CHRM3: variants seen among roughly 807,000 people sequenced by gnomAD.
CHRM3 encodes the protein cholinergic receptor muscarinic 3.
A neutral mutation model predicts 41.8 loss-of-function variants in CHRM3; 11 were observed. The ratio of observed to expected loss-of-function variants is 0.26; its 90% CI spans 0.17 to 0.44. CHRM3 has a LOEUF of 0.44. Ranked by LOEUF, CHRM3 falls within the 20% of genes least tolerant of loss-of-function variation. The probability of loss-of-function intolerance (pLI) is 1.00; values close to 1 mark genes in which losing one functional copy is unlikely to be tolerated. For missense variants in CHRM3, 571 were observed against 745.4 expected (o/e 0.77, Z 2.72); for synonymous variants, 297 against 301.4 (o/e 0.99, Z 0.15).
intron 5 of CHRM3, among the ~76,000 whole-genome samples, chr1:239,806,333 CACA>C (rs1267158490): frequency 2.6e-5 from 4 of 151,806 alleles, no homozygotes; most frequent in Non-Finnish European, 5.9e-5. Context: ...GATGGAGTTA[CACA>C]ACACACACAC....
At chr1:239,698,738 A>G (rs12756683) in intron 5 of CHRM3, among the ~76,000 whole-genome samples, 4,076 of 152,266 alleles carry the variant, frequency 0.027, 83 homozygotes, top group Middle Eastern at 0.085. Context: ...TGAGTTTAAT[A>G]AACGCTTACT....
intron 3 of CHRM3, among the ~76,000 whole-genome samples, chr1:239,551,847 A>G (rs1189292417): frequency 6.6e-6 from 1 of 152,178 alleles, no homozygotes; most frequent in Non-Finnish European, 1.5e-5. Flanking sequence ...TAAAGCATTA[A>G]GCTAATAAAG....
At chr1:239,514,787 A>G (rs1249207597) in intron 2 of CHRM3, among the ~76,000 whole-genome samples, 1 of 152,080 alleles carries the variant, frequency 6.6e-6, no homozygotes, top group South Asian at 2.1e-4. Context: ...TGTGTTTTAC[A>G]TGCCTCCCTT....
intron 6 of CHRM3, among the ~76,000 whole-genome samples, chr1:239,855,007 T>G (rs528011): frequency 0.45 from 68,967 of 152,000 alleles, 17,256 homozygotes; most frequent in East Asian, 0.56. Context: ...TTGCAGTGAT[T>G]TAACAGCCTT....
At chr1:239,715,148 T>C (rs1280354810) in intron 5 of CHRM3, among the ~76,000 whole-genome samples, 1 of 152,116 alleles carries the variant, frequency 6.6e-6, no homozygotes, top group Non-Finnish European at 1.5e-5. Context: ...GTTTATCAAC[T>C]ATGAGTTACT....
At chr1:239,487,510 T>G (rs574361392) in intron 1 of CHRM3, among the ~76,000 whole-genome samples, 1 of 152,080 alleles carries the variant, frequency 6.6e-6, no homozygotes, top group East Asian at 1.9e-4. Flanking sequence ...AGAAGTTCAG[T>G]CAGAAACATG....
intron 6 of CHRM3, among the ~76,000 whole-genome samples, chr1:239,852,539 T>C (rs1674781133): frequency 6.6e-6 from 1 of 152,192 alleles, no homozygotes; most frequent in South Asian, 2.1e-4. Context: ...ACAAAGACTA[T>C]AAAGTCATAG....
At chr1:239,491,305 C>T (rs973994723) in intron 1 of CHRM3, among the ~76,000 whole-genome samples, 5 of 152,136 alleles carry the variant, frequency 3.3e-5, no homozygotes, top group African/African-American at 1.2e-4. Context: ...TATCTAGCTG[C>T]ACTTTTATAT....
At chr1:239,699,786 T>C (rs1660517793) in intron 5 of CHRM3, among the ~76,000 whole-genome samples, 1 of 152,196 alleles carries the variant, frequency 6.6e-6, no homozygotes, top group African/African-American at 2.4e-5. Flanking sequence ...AAATTGGTTA[T>C]AACAAATTGC....
At chr1:239,848,355 C>T (rs1032913041) in intron 6 of CHRM3, among the ~76,000 whole-genome samples, 14 of 152,116 alleles carry the variant, frequency 9.2e-5, no homozygotes, top group African/African-American at 3.4e-4. Flanking sequence ...TAGGTTCTAA[C>T]CCACAACAAA....
At chr1:239,472,273 A>T (rs1666180196) in intron 1 of CHRM3, among the ~76,000 whole-genome samples, 1 of 152,122 alleles carries the variant, frequency 6.6e-6, no homozygotes, top group African/African-American at 2.4e-5. Flanking sequence ...GTTTTCTATC[A>T]TGTATCTTAA....
chr1:239,428,423 A>G (rs536501211), intron 1 of CHRM3, among the ~76,000 whole-genome samples: 1 of 152,360 alleles, frequency 6.6e-6, no homozygotes, highest in East Asian at 1.9e-4. Flanking sequence ...ATCATAGCCT[A>G]GGAGATACTT....
chr1:239,900,421 T>C (rs1206540302), intron 6 of CHRM3, among the ~76,000 whole-genome samples: 1 of 150,086 alleles, frequency 6.7e-6, no homozygotes, highest in African/African-American at 2.5e-5. Flanking sequence ...GGCTGATCAC[T>C]TTCTCCTGTT....
intron 4 of CHRM3, among the ~76,000 whole-genome samples, chr1:239,634,716 T>C (rs933324000): frequency 6.6e-6 from 1 of 152,052 alleles, no homozygotes; most frequent in African/African-American, 2.4e-5. Context: ...AACTAAGTCA[T>C]ATAATGAAAT....
At chr1:239,500,887 C>T (rs1578069) in intron 2 of CHRM3, among the ~76,000 whole-genome samples, 1 of 151,972 alleles carries the variant, frequency 6.6e-6, no homozygotes, top group Non-Finnish European at 1.5e-5. Context: ...GGAGATTCAC[C>T]TAACACATAA....
rs531738123 is a variant in CHRM3, at chr1:239,475,145, T to C, written c.-520-17564T>C. On this transcript the variant is annotated intron_variant, in intron 1 of 6. Coordinates refer to ENST00000676153, the MANE Select transcript of CHRM3 (RefSeq NM_001375978.1). ...GGAATAATTTAATTCCTAAGTAAAA[T>C]TAAGTTGACAAAATTGTGTATTGTC... Among the ~76,000 whole-genome samples the C allele has an allele frequency of 1.7e-4, 26 of 152,066 alleles. No individual in the cohort carries two copies. In the South Asian group the frequency reaches 5.4e-3, roughly 32 times the overall value.
intron 3 of CHRM3, among the ~76,000 whole-genome samples, chr1:239,597,908 T>C (rs1432600514): frequency 6.6e-6 from 1 of 151,244 alleles, no homozygotes; most frequent in Non-Finnish European, 1.5e-5. Flanking sequence ...AAATCTTTCT[T>C]TCTCTCTGAG....
At position 239,396,905 on chromosome 1, in the gene CHRM3, A is replaced by T. The variant is rs145994061; in HGVS notation, c.-521+9678A>T. On this transcript the variant is annotated intron_variant, in intron 1 of 6. Transcript: ENST00000676153. ...CTTCTTAAAATCTGCAACTTATTCC[A>T]AAAGATTGACTGATTTAACTGCATA... is the stretch of plus-strand genomic sequence containing the variant. Among the ~76,000 whole-genome samples, 9 of 152,342 alleles carry T rather than the reference A, an allele frequency of 5.9e-5. No homozygotes were observed. In the East Asian group the frequency reaches 1.7e-3, roughly 29 times the overall value.
intron 6 of CHRM3, among the ~76,000 whole-genome samples, chr1:239,888,952 T>C (rs959072735): frequency 2.6e-5 from 4 of 152,294 alleles, no homozygotes; most frequent in African/African-American, 9.6e-5. Flanking sequence ...GTCATCTCCA[T>C]AGTGGGCTGG....
Sources: gnomAD v4.1 joint callset for allele counts (sites outside exome capture counted in the v4.1 genomes callset) on GRCh38, gnomAD v4.1.1 for gene constraint, MANE v1.5 for transcripts, NCBI Gene and HGNC (gene_info 2026-07-23, HGNC 2026-07-21) for gene names.